Variants in PDE11A observed in about 807,000 individuals in gnomAD.
PDE11A encodes phosphodiesterase 11A.
PDE11A carries 100 observed loss-of-function variants against 100.5 expected under a neutral mutation model. The ratio of observed to expected loss-of-function variants is 1.00; its 90% CI spans 0.85 to 1.18. The LOEUF (loss-of-function observed/expected upper bound fraction) is 1.18. Among genes scored for constraint, PDE11A ranks in the 50% most tolerant of loss-of-function variants. The probability of loss-of-function intolerance (pLI) is 0.00; values close to 1 mark genes in which losing one functional copy is unlikely to be tolerated. For synonymous variants in PDE11A, 381 were observed against 420.8 expected (o/e 0.91, Z 1.16); for missense variants, 1,141 against 1,152.6 (o/e 0.99, Z 0.15).
chr2:177,657,044 G>A (rs1559129061), intron 19 of PDE11A, among the ~76,000 whole-genome samples: 1 of 152,170 alleles, frequency 6.6e-6, no homozygotes, highest in African/African-American at 2.4e-5. Flanking sequence ...AAAGCAGGGA[G>A]ATGCTGTGAT....
chr2:177,667,614 C>T (rs979701228), intron 18 of PDE11A, among the ~76,000 whole-genome samples: 1 of 152,134 alleles, frequency 6.6e-6, no homozygotes, highest in Admixed American at 6.5e-5. Flanking sequence ...GAGTGTGAGG[C>T]CCCACACAGT....
chr2:177,755,164 C>G (rs2082075119), intron 10 of PDE11A, among the ~76,000 whole-genome samples: 2 of 152,166 alleles, frequency 1.3e-5, no homozygotes, highest in Admixed American at 1.3e-4. Context: ...TGGCATGTCC[C>G]TGGAAGTTAT....
chr2:177,787,276 T>C (rs1479168504), intron 9 of PDE11A, among the ~76,000 whole-genome samples: 2 of 149,534 alleles, frequency 1.3e-5, no homozygotes, highest in African/African-American at 4.9e-5. Flanking sequence ...GAATTTCATA[T>C]CCAGCCAAAC....
chr2:178,030,183 A>T (rs948698531), intron 1 of PDE11A, among the ~76,000 whole-genome samples: 7 of 152,214 alleles, frequency 4.6e-5, no homozygotes, highest in African/African-American at 1.7e-4. Context: ...GAGAGGCCTT[A>T]TATTTTAAAA....
intron 16 of PDE11A, among the ~76,000 whole-genome samples, chr2:177,680,141 T>C (rs6714540): frequency 0.094 from 14,231 of 152,048 alleles, 2,240 homozygotes; most frequent in African/African-American, 0.33. Context: ...GCAGACCCAG[T>C]GTGCCCTAAC....
intron 4 of PDE11A, among the ~76,000 whole-genome samples, chr2:177,889,896 TTGTTTTC>T (rs1337206847): frequency 5.3e-5 from 8 of 152,192 alleles, no homozygotes; most frequent in African/African-American, 1.7e-4. Flanking sequence ...CACTTGGCTT[TTGTTTTC>T]ACATCCCTTC....
intron 10 of PDE11A, among the ~76,000 whole-genome samples, chr2:177,758,104 G>T (rs1013541924): frequency 2.0e-5 from 3 of 151,036 alleles, no homozygotes; most frequent in Non-Finnish European, 2.9e-5. Flanking sequence ...AGACCATCCT[G>T]GCTAACACGG....
chr2:177,715,468 TTTC>T (rs1467574198), intron 12 of PDE11A, among the ~76,000 whole-genome samples: 56 of 148,400 alleles, frequency 3.8e-4, no homozygotes, highest in African/African-American at 1.4e-3. Flanking sequence ...CTTTTTTTCT[TTTC>T]TTTTTTTTTT....
At chr2:177,787,564 A>T (rs1432556565) in intron 9 of PDE11A, among the ~76,000 whole-genome samples, 2 of 151,982 alleles carry the variant, frequency 1.3e-5, no homozygotes, top group African/African-American at 4.8e-5. Context: ...TAAATGGACT[A>T]AATGCTCCAA....
At chr2:178,094,274 A>G (rs1490791965) in intron 2 of PDE11A, among the ~76,000 whole-genome samples, 1 of 152,140 alleles carries the variant, frequency 6.6e-6, no homozygotes, top group African/African-American at 2.4e-5. Flanking sequence ...CACACCTGCA[A>G]TCCCAGCACT....
chr2:177,801,493 C>T (rs2082795278), intron 9 of PDE11A, among the ~76,000 whole-genome samples: 1 of 151,938 alleles, frequency 6.6e-6, no homozygotes, highest in South Asian at 2.1e-4. Context: ...CAAAAGAACT[C>T]AAATTATAAT....
rs555493328 is a variant in PDE11A at position 177,665,540 on chromosome 2, T to G, written c.2563-1591A>C. Among the ~76,000 whole-genome samples the G allele has an allele frequency of 9.9e-4, 149 of 149,878 alleles. 3 individuals are homozygous for G. Among genetic ancestry groups the G allele is most frequent in the African/African-American group, 3.6e-3 (146 of 40,886 alleles). On this transcript the variant is annotated intron_variant, in intron 18 of 19. Coordinates refer to ENST00000286063, the MANE Select transcript of PDE11A (RefSeq NM_016953.4). ...AATAAAATAAAAATAAAGAAATAAA[T>G]ACACAAAATGTTTCTTTAAAAAATA...
At chr2:177,637,800 C>G (rs1015543084) in intron 19 of PDE11A, among the ~76,000 whole-genome samples, 1 of 150,712 alleles carries the variant, frequency 6.6e-6, no homozygotes, top group Non-Finnish European at 1.5e-5. Context: ...TCTCTTCCAT[C>G]TTTTCTATAT....
chr2:177,657,906 C>T (rs1259357280), intron 19 of PDE11A, among the ~76,000 whole-genome samples: 2 of 152,142 alleles, frequency 1.3e-5, no homozygotes, highest in Non-Finnish European at 2.9e-5. Flanking sequence ...TTCATGGGTG[C>T]CCCAGGGGGA....
At chr2:177,659,034 G>A (rs1302158017) in intron 19 of PDE11A, among the ~76,000 whole-genome samples, 2 of 151,950 alleles carry the variant, frequency 1.3e-5, no homozygotes, top group Non-Finnish European at 2.9e-5. Context: ...TGAGGCCTGT[G>A]GATCACTTGA....
chr2:177,863,663 T>C (rs1422831472), intron 5 of PDE11A, among the ~76,000 whole-genome samples: 2 of 151,936 alleles, frequency 1.3e-5, no homozygotes, highest in Admixed American at 6.6e-5. Context: ...CCCATTAGGG[T>C]GGCTACTATC....
At chr2:177,712,748 T>C (rs2081374941) in intron 12 of PDE11A, among the ~76,000 whole-genome samples, 1 of 152,192 alleles carries the variant, frequency 6.6e-6, no homozygotes, top group African/African-American at 2.4e-5. Flanking sequence ...ATGCATTTTC[T>C]TGATCGAAGG....
intron 5 of PDE11A, among the ~76,000 whole-genome samples, chr2:177,850,511 C>T (rs1025784215): frequency 2.0e-5 from 3 of 152,132 alleles, no homozygotes; most frequent in African/African-American, 4.8e-5. Flanking sequence ...AAAGCAATGG[C>T]GACAGAAGCC....
At chr2:178,072,987 A>C (rs1160391273), upstream of PDE11A, 1 of 985,222 alleles carries the variant, frequency 1.0e-6, no homozygotes, top group Non-Finnish European at 1.2e-6. Context: ...CACGATTAGA[A>C]GAGGGAAACG....
Sources: allele counts gnomAD v4.1 joint callset (sites outside exome capture counted in the v4.1 genomes callset), GRCh38; gene constraint gnomAD v4.1.1; transcripts MANE v1.5; gene names NCBI Gene and HGNC (gene_info 2026-07-23, HGNC 2026-07-21).